ARHGAP6: variants seen among roughly 807,000 people sequenced by gnomAD.
The protein encoded by ARHGAP6 is rho GTPase-activating protein 6.
ARHGAP6 carries 16 observed loss-of-function variants against 55.7 expected under a neutral mutation model. That is an observed-to-expected ratio of 0.29 (90% CI 0.19 to 0.44). The LOEUF (loss-of-function observed/expected upper bound fraction) is 0.44. ARHGAP6 is among the 20% of genes least tolerant of loss of function. The pLI is 1.00. For missense variants in ARHGAP6, 698 were observed against 808.9 expected, an observed-to-expected ratio of 0.86 and a Z score of 1.66; for synonymous variants, 382 against 360.9, an observed-to-expected ratio of 1.06 and a Z score of -0.66.
intron 1 of ARHGAP6, among the ~76,000 whole-genome samples, chrX:11,467,093 G>A (rs1457935226): frequency 9.9e-5 from 11 of 111,459 alleles, no homozygotes; most frequent in Middle Eastern, 4.2e-3. Context: ...GACAAAATGC[G>A]AATTCTAGGC....
Position 11,366,284 on chromosome X carries a change from C to G in ARHGAP6, c.589-111577G>C, listed in dbSNP as rs150699336. 5.9e-3 allele frequency among the ~76,000 whole-genome samples: 668 copies of G among 112,347 alleles called. 4 individuals are homozygous for G. The highest frequency in any genetic ancestry group is 7.6e-3 in the Non-Finnish European group (406 of 53,246). ...ACTCATTAACTGGCAACTATGACAT[C>G]ATGGGCAGCCAGTGAGGATACAAAG... is the stretch of plus-strand genomic sequence containing the variant. On this transcript the variant is annotated intron_variant, in intron 1 of 12. Transcript: ENST00000337414.
At chrX:11,340,258 C>G (rs986730620) in intron 1 of ARHGAP6, among the ~76,000 whole-genome samples, 4 of 111,896 alleles carry the variant, frequency 3.6e-5, no homozygotes, top group African/African-American at 1.3e-4. Context: ...TACAGCACCT[C>G]ATGGCATTGC....
At chrX:11,373,440 G>A (rs977515280) in intron 1 of ARHGAP6, among the ~76,000 whole-genome samples, 3 of 111,188 alleles carry the variant, frequency 2.7e-5, no homozygotes, top group African/African-American at 9.8e-5. Context: ...TTATCCTGAA[G>A]CAAGGTGGCT....
chrX:11,429,761 C>T (rs1183178370), intron 1 of ARHGAP6, among the ~76,000 whole-genome samples: 1 of 111,906 alleles, frequency 8.9e-6, no homozygotes, highest in East Asian at 2.8e-4. Context: ...CTAAAGTTCC[C>T]TCTTTACTCT....
rs1569400738 is a variant in ARHGAP6 at position 11,567,565 on chromosome X, A to AT, written c.588+96675_588+96676insA. On this transcript the variant is annotated intron_variant, in intron 1 of 12. Transcript: ENST00000337414. ...GGAGACTCCATCTCAAAAAAAAAAA[A>AT]AATATATATATATATTTGCCTCAGA... Among the ~76,000 whole-genome samples the AT allele has an allele frequency of 1.9e-4, 19 of 99,082 alleles. 1 individual carries two copies. The highest frequency in any genetic ancestry group is 6.5e-4 in the African/African-American group (17 of 26,260). The allele number at this position is 99,082 out of a possible 115,157, so 86.0% of individuals were successfully genotyped here.
chrX:11,505,827 T>C (rs959840761), intron 1 of ARHGAP6, among the ~76,000 whole-genome samples: 1 of 111,190 alleles, frequency 9.0e-6, no homozygotes, highest in Non-Finnish European at 1.9e-5. Flanking sequence ...ATGTTCTCAC[T>C]TATAAGTGAG....
intron 2 of ARHGAP6, among the ~76,000 whole-genome samples, chrX:11,205,958 G>A (rs1434148647): frequency 3.6e-5 from 4 of 112,146 alleles, no homozygotes; most frequent in South Asian, 3.7e-4. Context: ...TTAGATAGAC[G>A]AATAAGGGAA....
chrX:11,336,928 A>G (rs1045124533), intron 1 of ARHGAP6, among the ~76,000 whole-genome samples: 4 of 111,502 alleles, frequency 3.6e-5, no homozygotes, highest in Non-Finnish European at 7.5e-5. Context: ...CCTAAAAGTT[A>G]GTAAGTAATA....
chrX:11,374,559 T>C (rs771804814), intron 1 of ARHGAP6, among the ~76,000 whole-genome samples: 19 of 112,243 alleles, frequency 1.7e-4, no homozygotes, highest in Non-Finnish European at 3.4e-4. Context: ...GTAGGCAATC[T>C]AATACCACCT....
At chrX:11,342,250 C>T (rs1390408004) in intron 1 of ARHGAP6, among the ~76,000 whole-genome samples, 1 of 111,653 alleles carries the variant, frequency 9.0e-6, no homozygotes, top group African/African-American at 3.3e-5. Context: ...TTTTATGGCA[C>T]CGGATTATTT....
intron 1 of ARHGAP6, among the ~76,000 whole-genome samples, chrX:11,575,158 G>A (rs749499528): frequency 3.2e-4 from 35 of 111,046 alleles, no homozygotes; most frequent in African/African-American, 1.1e-3. Flanking sequence ...AGTGATGTGT[G>A]TCACTTCCAG....
chrX:11,578,288 A>G (rs1051918556), intron 1 of ARHGAP6, among the ~76,000 whole-genome samples: 8 of 111,671 alleles, frequency 7.2e-5, no homozygotes, highest in Non-Finnish European at 1.3e-4. Context: ...TATCTCACCA[A>G]TGAAGGGTTA....
chrX:11,358,951 T>C (rs1326037397), intron 1 of ARHGAP6, among the ~76,000 whole-genome samples: 1 of 112,274 alleles, frequency 8.9e-6, no homozygotes, highest in African/African-American at 3.2e-5. Context: ...CTAGAAACAT[T>C]TTAATGCAAA....
At chrX:11,177,396 G>A (rs2046245149) in intron 8 of ARHGAP6, among the ~76,000 whole-genome samples, 1 of 109,414 alleles carries the variant, frequency 9.1e-6, no homozygotes, top group African/African-American at 3.3e-5. Context: ...TGGGGCCTGA[G>A]TGGGGATCAG....
At chrX:11,332,404 T>G (rs1439335654) in intron 1 of ARHGAP6, among the ~76,000 whole-genome samples, 1 of 111,618 alleles carries the variant, frequency 9.0e-6, no homozygotes, top group Admixed American at 9.5e-5. Flanking sequence ...ACAAAAATGT[T>G]CTAGAGGACA....
intron 1 of ARHGAP6, among the ~76,000 whole-genome samples, chrX:11,454,036 C>T (rs969896054): frequency 3.6e-5 from 4 of 110,719 alleles, no homozygotes; most frequent in African/African-American, 9.9e-5. Flanking sequence ...CTCCACCTCC[C>T]GGGTTCATGC....
intron 1 of ARHGAP6, among the ~76,000 whole-genome samples, chrX:11,525,997 C>T (rs5933896): frequency 0.27 from 30,223 of 110,474 alleles, 3,620 homozygotes; most frequent in East Asian, 0.77. Context: ...GTATTGATAC[C>T]TATGGCAGGG....
intron 1 of ARHGAP6, among the ~76,000 whole-genome samples, chrX:11,522,096 C>G (rs2050935665): frequency 9.0e-6 from 1 of 111,526 alleles, no homozygotes; most frequent in African/African-American, 3.3e-5. Flanking sequence ...CAAAACCGCC[C>G]AACTACATGG....
At chrX:11,588,968 T>G (rs1015269879) in intron 1 of ARHGAP6, among the ~76,000 whole-genome samples, 2 of 111,922 alleles carry the variant, frequency 1.8e-5, no homozygotes, top group Admixed American at 9.5e-5. Context: ...TAATCCTGTA[T>G]TCTATTGTTT....
Sources: gnomAD v4.1 joint callset for allele counts (sites outside exome capture counted in the v4.1 genomes callset) on GRCh38, gnomAD v4.1.1 for gene constraint, MANE v1.5 for transcripts, NCBI Gene and HGNC (gene_info 2026-07-23, HGNC 2026-07-21) for gene names.